Variants in PLCB1 observed in about 807,000 individuals in gnomAD.
PLCB1 encodes the protein 1-phosphatidylinositol 4,5-bisphosphate phosphodiesterase beta-1.
In PLCB1, 46 loss-of-function variants were observed where a neutral mutation model predicts 161.8. The ratio of observed to expected loss-of-function variants is 0.28; its 90% CI spans 0.22 to 0.36. The LOEUF (loss-of-function observed/expected upper bound fraction) is 0.36, where lower values mean the gene tolerates loss of function less well. PLCB1 is among the 10% of genes least tolerant of loss of function. The pLI is 1.00. For synonymous variants in PLCB1, 517 were observed against 503.7 expected (o/e 1.03, Z -0.35); for missense variants, 1,016 against 1,472.5 (o/e 0.69, Z 5.07).
chr20:8,725,647 T>C (rs2123484410), intron 16 of PLCB1, among the ~76,000 whole-genome samples: 1 of 152,278 alleles, frequency 6.6e-6, no homozygotes, highest in South Asian at 2.1e-4. Flanking sequence ...AACATTGAAT[T>C]CGATGTCCTA....
rs530323654 is a variant in PLCB1 at position 8,811,165 on chromosome 20, G to A, written c.3423+20904G>A. Among the ~76,000 whole-genome samples the A allele has an allele frequency of 4.6e-5, 7 of 152,304 alleles. No individual in the cohort carries two copies. In the East Asian group the frequency reaches 9.6e-4, roughly 21 times the overall value. On this transcript the variant is annotated intron_variant, in intron 31 of 31. Coordinates refer to ENST00000338037, the MANE Select transcript of PLCB1 (RefSeq NM_015192.4). ...TACAGGAGAGTCTTCTTTGGTTTTA[G>A]TATCCAGGAGGTCATTATTGGCCTT...
intron 2 of PLCB1, among the ~76,000 whole-genome samples, chr20:8,261,502 C>T (rs2743161): frequency 1.3e-5 from 2 of 152,086 alleles, no homozygotes; most frequent in Admixed American, 6.6e-5. Flanking sequence ...TCCAGCTTTG[C>T]GGTTGATGTC....
chr20:8,864,207 C>T (rs370696161), intron 31 of PLCB1, among the ~76,000 whole-genome samples: 4 of 152,112 alleles, frequency 2.6e-5, no homozygotes, highest in East Asian at 1.9e-4. Context: ...AAGTGGCAGT[C>T]GCCTGGACAA....
chr20:8,502,295 T>C (rs1448745771), intron 3 of PLCB1, among the ~76,000 whole-genome samples: 3 of 152,108 alleles, frequency 2.0e-5, no homozygotes, highest in African/African-American at 7.2e-5. Context: ...ATTTAAATCT[T>C]CTCTTATTCT....
intron 2 of PLCB1, among the ~76,000 whole-genome samples, chr20:8,196,105 C>T (rs2052021354): frequency 6.6e-6 from 1 of 152,002 alleles, no homozygotes; most frequent in Non-Finnish European, 1.5e-5. Context: ...GGAACCCGCC[C>T]CATCATTCAA....
At chr20:8,350,564 A>G (rs900541516) in intron 2 of PLCB1, among the ~76,000 whole-genome samples, 5 of 152,188 alleles carry the variant, frequency 3.3e-5, no homozygotes, top group African/African-American at 1.2e-4. Flanking sequence ...GTGTGCATGT[A>G]TCTTTGTAAC....
intron 6 of PLCB1, 46 bp downstream of exon 6, chr20:8,647,999 A>G: frequency 7.4e-7 from 1 of 1,356,660 alleles, no homozygotes; most frequent in Non-Finnish European, 1.0e-6. Flanking sequence ...TTTTCCTCAA[A>G]GATCTGAATC....
At chr20:8,475,904 C>T (rs930346458) in intron 3 of PLCB1, among the ~76,000 whole-genome samples, 2 of 152,146 alleles carry the variant, frequency 1.3e-5, no homozygotes, top group Non-Finnish European at 2.9e-5. Context: ...CTCTACAACT[C>T]TACAAAGACA....
intron 3 of PLCB1, among the ~76,000 whole-genome samples, chr20:8,472,325 C>T (rs1486695043): frequency 6.6e-6 from 1 of 151,936 alleles, no homozygotes; most frequent in Non-Finnish European, 1.5e-5. Flanking sequence ...TATTTGCTTT[C>T]ATACATTTTC....
intron 2 of PLCB1, among the ~76,000 whole-genome samples, chr20:8,312,227 C>T (rs1036723279): frequency 3.3e-5 from 5 of 152,052 alleles, no homozygotes; most frequent in African/African-American, 1.2e-4. Context: ...CAATGACATC[C>T]CCTCTCCCCG....
At chr20:8,659,511 A>T (rs1345083194) in intron 9 of PLCB1, among the ~76,000 whole-genome samples, 3 of 152,154 alleles carry the variant, frequency 2.0e-5, no homozygotes, top group Non-Finnish European at 2.9e-5. Context: ...AATAAAGTAC[A>T]ATTAACCAAT....
chr20:8,509,749 GATAGAT>G (rs1376458095), intron 3 of PLCB1, among the ~76,000 whole-genome samples: 2 of 149,948 alleles, frequency 1.3e-5, no homozygotes, highest in African/African-American at 5.0e-5. Context: ...TAGATAGATA[GATAGAT>G]AGATAGATAG....
chr20:8,755,302 T>C (rs922569189), intron 23 of PLCB1, among the ~76,000 whole-genome samples: 1 of 152,200 alleles, frequency 6.6e-6, no homozygotes, highest in African/African-American at 2.4e-5. Flanking sequence ...AAGAAAGTTA[T>C]TATAGGTCAA....
chr20:8,308,892 T>G (rs915093979), intron 2 of PLCB1, among the ~76,000 whole-genome samples: 1 of 152,166 alleles, frequency 6.6e-6, no homozygotes, highest in Non-Finnish European at 1.5e-5. Flanking sequence ...TAGTTCATTT[T>G]GAATCCCAGA....
At chr20:8,191,199 G>A (rs1374878058) in intron 2 of PLCB1, among the ~76,000 whole-genome samples, 1 of 151,840 alleles carries the variant, frequency 6.6e-6, no homozygotes, top group Non-Finnish European at 1.5e-5. Flanking sequence ...TACATGACAT[G>A]TTTTGATACG....
rs115013544 is a variant in PLCB1 at position 8,188,068 on chromosome 20, C to T, written c.177+37697C>T. 2.5e-3 allele frequency among the ~76,000 whole-genome samples: 374 copies of T among 152,160 alleles called. 2 individuals are homozygous for T. Among genetic ancestry groups the T allele is most frequent in the African/African-American group, 8.4e-3 (349 of 41,512 alleles). ...TTAGGCTGGGCTCACATAAGCTTCA[C>T]GTCAAGCTTTGTCTTAGGCATTTTC... On this transcript the variant is annotated intron_variant, in intron 2 of 31. Coordinates refer to ENST00000338037, the MANE Select transcript of PLCB1 (RefSeq NM_015192.4).
chr20:8,335,015 A>T (rs1480322964), intron 2 of PLCB1, among the ~76,000 whole-genome samples: 1 of 152,340 alleles, frequency 6.6e-6, no homozygotes, highest in Middle Eastern at 3.4e-3. Flanking sequence ...GATTAATGCA[A>T]TGCTAAGTCT....
At chr20:8,268,098 T>C (rs1982073208) in intron 2 of PLCB1, among the ~76,000 whole-genome samples, 1 of 152,090 alleles carries the variant, frequency 6.6e-6, no homozygotes, top group Non-Finnish European at 1.5e-5. Context: ...GTATATCTCC[T>C]AATGCTATCC....
At chr20:8,402,885 T>C (rs1381329191) in intron 3 of PLCB1, among the ~76,000 whole-genome samples, 1 of 152,078 alleles carries the variant, frequency 6.6e-6, no homozygotes, top group Non-Finnish European at 1.5e-5. Context: ...TTTCATTTGA[T>C]TTTTTTCATT....
Sources: allele counts gnomAD v4.1 joint callset (sites outside exome capture counted in the v4.1 genomes callset), GRCh38; gene constraint gnomAD v4.1.1; transcripts MANE v1.5; gene names NCBI Gene and HGNC (gene_info 2026-07-23, HGNC 2026-07-21).